Variants in BMPR1A observed in about 807,000 individuals in gnomAD.
The protein encoded by BMPR1A is bone morphogenetic protein receptor type 1A, also known as bone morphogenetic protein receptor type-1A.
BMPR1A carries 7 observed loss-of-function variants against 66.0 expected under a neutral mutation model. That is an observed-to-expected ratio of 0.11 (90% CI 0.06 to 0.20). The LOEUF (loss-of-function observed/expected upper bound fraction) is 0.20. Among genes scored for constraint, BMPR1A ranks in the 10% least tolerant of loss-of-function variants. The probability of loss-of-function intolerance (pLI) is 1.00; values close to 1 mark genes in which losing one functional copy is unlikely to be tolerated. For missense variants in BMPR1A, 408 were observed against 669.1 expected (o/e 0.61, Z 4.31); for synonymous variants, 200 against 229.7 (o/e 0.87, Z 1.17).
At chr10:86,863,108 G>A (rs945020966) in intron 2 of BMPR1A, among the ~76,000 whole-genome samples, 29 of 151,838 alleles carry the variant, frequency 1.9e-4, no homozygotes, top group Admixed American at 1.8e-3. Flanking sequence ...GCCTCAAGTA[G>A]CTGGGATTAC....
At chr10:86,874,872 C>T (rs1660790641) in intron 2 of BMPR1A, among the ~76,000 whole-genome samples, 1 of 151,072 alleles carries the variant, frequency 6.6e-6, no homozygotes, top group African/African-American at 2.4e-5. Flanking sequence ...TTACAGGCAC[C>T]CACCACCATG....
At chr10:86,809,217 A>G (rs1241658661) in intron 1 of BMPR1A, among the ~76,000 whole-genome samples, 1 of 152,154 alleles carries the variant, frequency 6.6e-6, no homozygotes, top group African/African-American at 2.4e-5. Flanking sequence ...CAGTTGCATT[A>G]AGTATATTTA....
At chr10:86,931,758 A>G (rs966927327), downstream of BMPR1A, 1 of 152,168 alleles carries the variant, frequency 6.6e-6, no homozygotes, top group African/African-American at 2.4e-5. Flanking sequence ...AAATATATTC[A>G]TTCTGTTTCT....
At chr10:86,809,595 C>CTTTTTTTTTTTTTTTTTTTTTT (rs71019431) in intron 1 of BMPR1A, among the ~76,000 whole-genome samples, 1 of 123,902 alleles carries the variant, frequency 8.1e-6, no homozygotes, top group African/African-American at 3.2e-5. Flanking sequence ...CACCCGACCT[C>CTTTTTTTTTTTTTTTTTTTTTT]TTTTTTTTTT....
intron 2 of BMPR1A, among the ~76,000 whole-genome samples, chr10:86,874,415 T>C (rs1449452936): frequency 3.3e-5 from 5 of 152,038 alleles, no homozygotes; most frequent in Admixed American, 3.3e-4. Flanking sequence ...TCCTCTCCTC[T>C]TTTTTTATGA....
At chr10:86,767,556 T>C (rs554090676) in intron 1 of BMPR1A, among the ~76,000 whole-genome samples, 2 of 152,228 alleles carry the variant, frequency 1.3e-5, no homozygotes, top group African/African-American at 4.8e-5. Context: ...TATGCACTTG[T>C]AGTCTCAGCA....
rs1163006358 is a variant in BMPR1A at position 86,925,719 on chromosome 10, A to ATTTTTTTTTTTTTTTTT, written c.*2001_*2002insTTTTTTTTTTTTTTTTT. On this transcript the variant is annotated 3_prime_UTR_variant, in exon 13 of 13. Transcript: ENST00000372037. Reference sequence around the variant, plus strand: ...ACCATAATCTTTAAAATCATTTGTCATCTTTTTTTTTTTTTTTTTGAGACG... The same window carrying ATTTTTTTTTTTTTTTTT: ...ACCATAATCTTTAAAATCATTTGTCATTTTTTTTTTTTTTTTTTCTTTTTTTTTTTTTTTTTGAGACG... 1.6e-5 allele frequency: 2 copies of ATTTTTTTTTTTTTTTTT among 123,450 alleles called. No individual in the cohort carries two copies. Among genetic ancestry groups the ATTTTTTTTTTTTTTTTT allele is most frequent in the African/African-American group, 5.2e-5 (1 of 19,226 alleles). The allele number at this position is 123,450 out of a possible 1,614,324, so 7.6% of individuals were successfully genotyped here. A position where few individuals can be genotyped will look rare whatever the true frequency, so the allele number is the denominator to read the frequency against.
chr10:86,870,988 T>C (rs1405249502), intron 2 of BMPR1A, among the ~76,000 whole-genome samples: 5 of 152,196 alleles, frequency 3.3e-5, no homozygotes, highest in African/African-American at 1.2e-4. Flanking sequence ...CTGGTCTTTG[T>C]CTTCTCTGCC....
At chr10:86,855,735 C>G (rs1300448824) in intron 2 of BMPR1A, 7 of 884,978 alleles carry the variant, frequency 7.9e-6, no homozygotes, top group East Asian at 2.5e-5. Context: ...GCTTTGAGAC[C>G]AGCTTTCTTT....
chr10:86,843,921 T>TTG (rs1842453244), intron 2 of BMPR1A, among the ~76,000 whole-genome samples: 1 of 152,118 alleles, frequency 6.6e-6, no homozygotes, highest in African/African-American at 2.4e-5. Flanking sequence ...AGGGTGGTGA[T>TTG]TGTGGAAATA....
chr10:86,801,832 ACT>A (rs1163591268), intron 1 of BMPR1A, among the ~76,000 whole-genome samples: 1 of 151,192 alleles, frequency 6.6e-6, no homozygotes, highest in Non-Finnish European at 1.5e-5. Context: ...CCTGCCTCAG[ACT>A]CCCGAGTAGC....
chr10:86,861,696 T>A (rs1176145414), intron 2 of BMPR1A, among the ~76,000 whole-genome samples: 1 of 152,200 alleles, frequency 6.6e-6, no homozygotes, highest in Non-Finnish European at 1.5e-5. Flanking sequence ...CATTTTAGAT[T>A]TGGGGATGTG....
chr10:86,917,232 G>A lies in BMPR1A; in HGVS notation c.774G>A (p.Val258=), dbSNP rs540411494. Residue 258 remains valine (V), a synonymous_variant, in exon 9 of 13, where the codon GTG becomes GTA. Transcript: ENST00000372037. ...VWMGKWRGEK[V]AVKVFFTTEE... Reference sequence around the variant, plus strand: ...TGGGCAAATGGCGTGGCGAAAAAGTGGCGGTGAAAGTATTCTTTACCACTG... The same window carrying A: ...TGGGCAAATGGCGTGGCGAAAAAGTAGCGGTGAAAGTATTCTTTACCACTG... 2.5e-6 allele frequency: 4 copies of A among 1,613,876 alleles called. No individual in the cohort carries two copies. The Admixed American group carries it at 5.0e-5, about 20-fold the overall frequency.
At chr10:86,872,411 T>C (rs1842864242) in intron 2 of BMPR1A, among the ~76,000 whole-genome samples, 1 of 152,208 alleles carries the variant, frequency 6.6e-6, no homozygotes, top group Admixed American at 6.5e-5. Context: ...TCAGACCTCC[T>C]TGATTTTAAT....
At chr10:86,859,505 A>G (rs1206944815) in intron 2 of BMPR1A, among the ~76,000 whole-genome samples, 1 of 152,062 alleles carries the variant, frequency 6.6e-6, no homozygotes, top group Non-Finnish European at 1.5e-5. Flanking sequence ...TGCCTGCAAT[A>G]TGAAGAGATT....
At chr10:86,764,110 C>G (rs1841125029) in intron 1 of BMPR1A, among the ~76,000 whole-genome samples, 2 of 152,102 alleles carry the variant, frequency 1.3e-5, no homozygotes, top group Admixed American at 1.3e-4. Context: ...AGTTTTGATA[C>G]TGTTTTATGT....
At chr10:86,826,268 C>G (rs944913872) in intron 1 of BMPR1A, among the ~76,000 whole-genome samples, 4 of 151,936 alleles carry the variant, frequency 2.6e-5, no homozygotes, top group Non-Finnish European at 5.9e-5. Context: ...CATGTGATCC[C>G]TATTTAAATT....
At chr10:86,823,910 T>C (rs1842155708) in intron 1 of BMPR1A, among the ~76,000 whole-genome samples, 2 of 152,256 alleles carry the variant, frequency 1.3e-5, no homozygotes, top group African/African-American at 4.8e-5. Flanking sequence ...CTTCGGTTAA[T>C]CATCATGTGT....
At chr10:86,902,112 G>A (rs148433009) in intron 7 of BMPR1A, among the ~76,000 whole-genome samples, 2,495 of 152,156 alleles carry the variant, frequency 0.016, 61 homozygotes, top group African/African-American at 0.056. Context: ...CACCCACCTC[G>A]CCCTCCCAAA....
Sources: gnomAD v4.1 joint callset for allele counts (sites outside exome capture counted in the v4.1 genomes callset) on GRCh38, gnomAD v4.1.1 for gene constraint, MANE v1.5 for transcripts, NCBI Gene and HGNC (gene_info 2026-07-23, HGNC 2026-07-21) for gene names.